EIF2AK3: variants seen among roughly 807,000 people sequenced by gnomAD.
The protein encoded by EIF2AK3 is eukaryotic translation initiation factor 2-alpha kinase 3.
A neutral mutation model predicts 113.5 loss-of-function variants in EIF2AK3; 50 were observed. That is an observed-to-expected ratio of 0.44 (90% CI 0.35 to 0.56). The LOEUF is 0.56. Ranked by LOEUF, EIF2AK3 falls within the 20% of genes least tolerant of loss-of-function variation. EIF2AK3 has a pLI of 0.00. For synonymous variants in EIF2AK3, 448 were observed against 495.4 expected (o/e 0.90, Z 1.27); for missense variants, 1,185 against 1,378.0 (o/e 0.86, Z 2.22).
At chr2:88,578,143 A>T (rs1302027953) in intron 11 of EIF2AK3, among the ~76,000 whole-genome samples, 1 of 152,208 alleles carries the variant, frequency 6.6e-6, no homozygotes, top group Non-Finnish European at 1.5e-5. Flanking sequence ...GAAAAAAAAT[A>T]GTTCCCTAGT....
At chr2:88,594,727 G>C (rs1674970300) in intron 3 of EIF2AK3, among the ~76,000 whole-genome samples, 1 of 150,010 alleles carries the variant, frequency 6.7e-6, no homozygotes, top group Non-Finnish European at 1.5e-5. Flanking sequence ...TTTCCTCTTG[G>C]ATCACCTTAT....
At chr2:88,580,367 T>C (rs921902693) in intron 10 of EIF2AK3, among the ~76,000 whole-genome samples, 1 of 152,244 alleles carries the variant, frequency 6.6e-6, no homozygotes, top group East Asian at 1.9e-4. Flanking sequence ...CCTCTTTGCA[T>C]TTAATGAACC....
intron 12 of EIF2AK3, among the ~76,000 whole-genome samples, chr2:88,575,980 T>C (rs1674448167): frequency 6.6e-6 from 1 of 152,224 alleles, no homozygotes; most frequent in Admixed American, 6.5e-5. Context: ...TTTAATAGTT[T>C]TTAAAGGGCC....
chr2:88,579,140 A>G (rs902291423), intron 11 of EIF2AK3, among the ~76,000 whole-genome samples: 1 of 152,218 alleles, frequency 6.6e-6, no homozygotes, highest in Non-Finnish European at 1.5e-5. Context: ...GAAATACTCT[A>G]AAGTGTTAAT....
intron 11 of EIF2AK3, among the ~76,000 whole-genome samples, chr2:88,578,681 CAAAA>C (rs763427318): frequency 3.8e-5 from 3 of 78,038 alleles, no homozygotes; most frequent in Non-Finnish European, 5.4e-5. Flanking sequence ...GACCCTGTCT[CAAAA>C]AAAAAAAAAA....
chr2:88,587,904 A>T (rs577340042), intron 8 of EIF2AK3, 78 bp downstream of exon 8: 224 of 1,010,798 alleles, frequency 2.2e-4, no homozygotes, highest in Non-Finnish European at 2.8e-4. Flanking sequence ...TCTATACTCT[A>T]ATCGACTTTT....
At chr2:88,626,943 T>C in intron 1 of EIF2AK3, 24 bp downstream of exon 1, 2 of 1,605,212 alleles carry the variant, frequency 1.2e-6, no homozygotes. Flanking sequence ...ACAAGTTGCC[T>C]CCCCCGGGTC....
rs1356957965 is a variant in EIF2AK3, at chr2:88,588,885, C to T, written c.1182G>A (p.Gln394=). The T allele has an allele frequency of 3.1e-6, 5 of 1,613,644 alleles. No individual in the cohort carries two copies. Among genetic ancestry groups the T allele is most frequent in the Non-Finnish European group, 3.4e-6 (4 of 1,179,834 alleles). Residue 394 remains glutamine, a synonymous_variant, in exon 7 of 17, where the codon CAG becomes CAA. Coordinates refer to ENST00000303236, the MANE Select transcript of EIF2AK3 (RefSeq NM_004836.7). ...TTCTGACTGATGACTGCAGATACAG[C>T]TGGCCTCTATACATTCCTGAATCAA... ...NSVYLGMYRG[Q]LYLQSSVRIS... is the part of the protein sequence containing the mutation.
rs1558650239 is a variant in EIF2AK3 at position 88,579,506 on chromosome 2, A to C, written c.1886+12T>G. 1 of 1,613,480 alleles carries C rather than the reference A, an allele frequency of 6.2e-7. No homozygotes were observed. The highest frequency in any genetic ancestry group is 8.5e-7 in the Non-Finnish European group (1 of 1,179,560). On this transcript the variant is annotated intron_variant, in intron 11 of 16. Transcript: ENST00000303236. ...TGCTGATTTCAAGTTTACTGAAGGT[A>C]CCACCCATTACCTATTGGGGAGACG...
chr2:88,563,052 C>T (rs1391909607), intron 14 of EIF2AK3, among the ~76,000 whole-genome samples: 2 of 152,176 alleles, frequency 1.3e-5, no homozygotes, highest in Non-Finnish European at 2.9e-5. Flanking sequence ...CAGAACTACT[C>T]GACTAAAGAA....
At position 88,571,095 on chromosome 2, in the gene EIF2AK3, G is replaced by C; in HGVS notation, c.2818-54C>G. The C allele has an allele frequency of 3.8e-6, 6 of 1,576,842 alleles. No homozygotes were observed. In the South Asian group the frequency reaches 6.6e-5, roughly 17 times the overall value. ...AGTGGGTGTGCATGGAGGCGAAAAA[G>C]TAAAGAGAATTATTTAAAAGACTAC... is the stretch of plus-strand genomic sequence containing the variant. On this transcript the variant is annotated intron_variant, in intron 13 of 16. Coordinates refer to ENST00000303236, the MANE Select transcript of EIF2AK3 (RefSeq NM_004836.7).
intron 8 of EIF2AK3, 61 bp from the exon 9 acceptor site, chr2:88,586,122 ACTATT>A: frequency 7.5e-7 from 1 of 1,330,800 alleles, no homozygotes; most frequent in Non-Finnish European, 1.1e-6. Context: ...CCCGTCTTTA[ACTATT>A]AAAATTTATC....
At chr2:88,562,737 C>T (rs1006247325) in intron 14 of EIF2AK3, among the ~76,000 whole-genome samples, 4 of 152,182 alleles carry the variant, frequency 2.6e-5, no homozygotes, top group African/African-American at 7.2e-5. Flanking sequence ...TCAAAGGGAA[C>T]GCTATCTAAA....
At chr2:88,581,238 A>G (rs1674592982) in intron 10 of EIF2AK3, among the ~76,000 whole-genome samples, 1 of 151,346 alleles carries the variant, frequency 6.6e-6, no homozygotes, top group African/African-American at 2.4e-5. Context: ...AAGACCCAAG[A>G]GCTGCATTCT....
chr2:88,569,224 CG>C (rs1674225134), intron 14 of EIF2AK3, among the ~76,000 whole-genome samples: 1 of 151,680 alleles, frequency 6.6e-6, no homozygotes, highest in Admixed American at 6.6e-5. Flanking sequence ...ACAATGAGAC[CG>C]GGCATGGTAG....
intron 10 of EIF2AK3, 58 bp from the exon 11 acceptor site, chr2:88,579,698 GTGAAAA>G: frequency 1.3e-6 from 2 of 1,503,232 alleles, no homozygotes; most frequent in Non-Finnish European, 1.8e-6. Flanking sequence ...TTGTGGTAAT[GTGAAAA>G]TCAGTTCAAT....
intron 14 of EIF2AK3, among the ~76,000 whole-genome samples, chr2:88,569,074 A>G (rs937769422): frequency 1.3e-5 from 2 of 152,194 alleles, no homozygotes; most frequent in African/African-American, 4.8e-5. Flanking sequence ...TGTTTTTACA[A>G]GAGACGGGGT....
chr2:88,561,321 G>T (rs2104385353), intron 15 of EIF2AK3, among the ~76,000 whole-genome samples: 1 of 151,400 alleles, frequency 6.6e-6, no homozygotes, highest in South Asian at 2.1e-4. Context: ...GAGTGCAGTG[G>T]CGCGATCTCT....
intron 15 of EIF2AK3, among the ~76,000 whole-genome samples, chr2:88,561,823 C>T (rs1014028189): frequency 3.3e-5 from 5 of 152,094 alleles, no homozygotes; most frequent in Admixed American, 6.5e-5. Context: ...CACACCACTG[C>T]ACTCCAGCCT....
Sources: gnomAD v4.1 joint callset for allele counts (sites outside exome capture counted in the v4.1 genomes callset) on GRCh38, gnomAD v4.1.1 for gene constraint, MANE v1.5 for transcripts, NCBI Gene and HGNC (gene_info 2026-07-23, HGNC 2026-07-21) for gene names.